The following KPNA4 variants were observed in gnomAD, a reference collection of about 807,000 sequenced individuals.
KPNA4 encodes importin subunit alpha-3.
Under a neutral mutation model 71.3 loss-of-function variants are expected in KPNA4, and 13 were observed. The ratio of observed to expected loss-of-function variants is 0.18; its 90% CI spans 0.12 to 0.29. The LOEUF is 0.29. Among genes scored for constraint, KPNA4 ranks in the 10% least tolerant of loss-of-function variants. KPNA4 has a pLI of 1.00. For synonymous variants in KPNA4, 189 were observed against 195.2 expected (o/e 0.97, Z 0.26); for missense variants, 334 against 603.2 (o/e 0.55, Z 4.67).
At chr3:160,554,382 C>T (rs1332581550) in intron 1 of KPNA4, among the ~76,000 whole-genome samples, 1 of 152,184 alleles carries the variant, frequency 6.6e-6, no homozygotes, top group Non-Finnish European at 1.5e-5. Flanking sequence ...TCCCTCTGTC[C>T]CAACCCCTGG....
At chr3:160,555,396 C>A (rs1010063351) in intron 1 of KPNA4, among the ~76,000 whole-genome samples, 9 of 152,142 alleles carry the variant, frequency 5.9e-5, no homozygotes, top group Admixed American at 5.2e-4. Context: ...ACAATAGTCA[C>A]CCCCTTATCT....
At chr3:160,513,180 T>C (rs1721134509) in intron 13 of KPNA4, among the ~76,000 whole-genome samples, 1 of 152,030 alleles carries the variant, frequency 6.6e-6, no homozygotes. Flanking sequence ...GAGAAACAGA[T>C]TTATCTTCTC....
rs192338754 is a variant in KPNA4, at chr3:160,548,906, A to G, written c.70-12066T>C. 3.1e-4 allele frequency among the ~76,000 whole-genome samples: 47 copies of G among 152,288 alleles called. 1 individual carries two copies. The highest frequency in any genetic ancestry group is 1.0e-3 in the African/African-American group (42 of 41,554). ...GCTTCACCATTTTACATTCTCACCA[A>G]TAATGCACAAGATTCTGAATTCTCC... On this transcript the variant is annotated intron_variant, in intron 1 of 16. Transcript: ENST00000334256.
At chr3:160,548,778 C>T (rs538031254) in intron 1 of KPNA4, among the ~76,000 whole-genome samples, 13 of 152,226 alleles carry the variant, frequency 8.5e-5, no homozygotes, top group Admixed American at 5.2e-4. Flanking sequence ...TCTTAGTTCC[C>T]GCTTTCAATT....
intron 8 of KPNA4, among the ~76,000 whole-genome samples, chr3:160,527,656 G>A (rs1166970649): frequency 6.6e-6 from 1 of 151,910 alleles, no homozygotes; most frequent in Non-Finnish European, 1.5e-5. Context: ...TGGGGGTTAG[G>A]GGAAGAAAAA....
At chr3:160,508,001 T>C (rs1207156753) in intron 15 of KPNA4, 106 bp downstream of exon 15, 2 of 852,178 alleles carry the variant, frequency 2.3e-6, no homozygotes, top group Non-Finnish European at 3.6e-6. Context: ...TTCTGTTACT[T>C]GAATATCTAA....
intron 11 of KPNA4, among the ~76,000 whole-genome samples, chr3:160,518,663 C>T (rs990971645): frequency 1.3e-5 from 2 of 151,536 alleles, no homozygotes; most frequent in African/African-American, 2.4e-5. Context: ...AGTTCGAGAC[C>T]AGCCTGGCCA....
intron 14 of KPNA4, 116 bp from the exon 15 acceptor site, chr3:160,508,385 C>G (rs985562100): frequency 4.6e-6 from 3 of 657,708 alleles, no homozygotes; most frequent in Admixed American, 7.2e-5. Context: ...GACCTCATCT[C>G]TCTCATGTTA....
intron 14 of KPNA4, 138 bp downstream of exon 14, chr3:160,509,662 C>T: frequency 1.5e-6 from 1 of 662,558 alleles, no homozygotes. Flanking sequence ...AAAACCCTGG[C>T]CTCGGGTGAT....
intron 13 of KPNA4, among the ~76,000 whole-genome samples, chr3:160,513,249 G>GTTTTTTTTT (rs946090860): frequency 8.7e-5 from 7 of 80,644 alleles, no homozygotes; most frequent in Admixed American, 1.7e-4. Context: ...CTACTTTGTG[G>GTTTTTTTTT]TTTTTTTTTT....
intron 3 of KPNA4, 34 bp downstream of exon 3, chr3:160,535,774 T>C: frequency 4.5e-6 from 7 of 1,560,762 alleles, no homozygotes; most frequent in Non-Finnish European, 6.0e-6. Context: ...ACTCGTACTT[T>C]TAAGTTACCA....
rs1458458482 is a variant in KPNA4, at chr3:160,501,285, AAAAG to A, written c.*815_*818del. 6.6e-6 allele frequency: 1 copy of A among 152,248 alleles called. No homozygotes were observed. The highest frequency in any genetic ancestry group is 2.4e-5 in the African/African-American group (1 of 41,296). The allele number at this position is 152,248 out of a possible 1,614,324, so 9.4% of individuals were successfully genotyped here. A position where few individuals can be genotyped will look rare whatever the true frequency, so the allele number is the denominator to read the frequency against. On this transcript the variant is annotated 3_prime_UTR_variant, in exon 17 of 17. Transcript: ENST00000334256. ...AGGTAAAGTAAATAAAAACTAAAAAAAAAGAAAAGAAAAGCAAAAAAGAAAAAAA... is the reference window on the plus strand; with the variant it reads ...AGGTAAAGTAAATAAAAACTAAAAAAAAAAGAAAAGCAAAAAAGAAAAAAA...
intron 10 of KPNA4, among the ~76,000 whole-genome samples, chr3:160,522,127 T>A (rs1721360538): frequency 6.6e-6 from 1 of 152,184 alleles, no homozygotes; most frequent in Non-Finnish European, 1.5e-5. Context: ...AGGATTCTGA[T>A]CCCAGATTAG....
chr3:160,552,049 G>T (rs1434989426), intron 1 of KPNA4, among the ~76,000 whole-genome samples: 1 of 151,406 alleles, frequency 6.6e-6, no homozygotes, highest in Admixed American at 6.6e-5. Flanking sequence ...AAATTATCTG[G>T]CCCAAAACGT....
intron 1 of KPNA4, among the ~76,000 whole-genome samples, chr3:160,537,386 T>C (rs930427991): frequency 2.6e-5 from 4 of 152,018 alleles, no homozygotes; most frequent in African/African-American, 9.7e-5. Flanking sequence ...AGATATTCCA[T>C]GGTGGTGTAT....
At chr3:160,548,726 G>A (rs895453648) in intron 1 of KPNA4, among the ~76,000 whole-genome samples, 1 of 151,870 alleles carries the variant, frequency 6.6e-6, no homozygotes, top group African/African-American at 2.4e-5. Flanking sequence ...TCCACTTTTG[G>A]ATACTGCAAA....
intron 1 of KPNA4, among the ~76,000 whole-genome samples, chr3:160,541,647 G>GCACACACACA (rs570443336): frequency 1.2e-4 from 13 of 111,400 alleles, no homozygotes; most frequent in African/African-American, 4.9e-4. Context: ...AGTTATATAC[G>GCACACACACA]CGCACACACA....
At chr3:160,551,120 C>CT (rs1349165431) in intron 1 of KPNA4, among the ~76,000 whole-genome samples, 1 of 152,130 alleles carries the variant, frequency 6.6e-6, no homozygotes, top group East Asian at 1.9e-4. Context: ...TGATCCTGGG[C>CT]TTTTCTTTGT....
In KPNA4 at chr3:160,509,810, C is replaced by T. The variant is rs756714453; in HGVS notation, c.1199G>A (p.Arg400Lys). 2.9e-5 allele frequency: 46 copies of T among 1,603,820 alleles called. 2 individuals are homozygous for T. The South Asian group carries it at 5.1e-4, about 18-fold the overall frequency. ...WAISNLTISG[R>K]KDQVAYLIQQ... is the part of the protein sequence containing the mutation. Reference sequence around the variant, plus strand: ...AAAAGCTCAACTTACTTGATCTTTCCTTCCACTAATTGTTAAGTTACTTAT... The same window carrying T: ...AAAAGCTCAACTTACTTGATCTTTCTTTCCACTAATTGTTAAGTTACTTAT... The change falls in exon 14 of 17, where the codon AGG becomes AAG. Residue 400 changes from arginine (R) to lysine (K), a missense_variant. Physicochemically the swap from Arg to Lys is conservative, Grantham distance 26. Transcript: ENST00000334256.
Sources: allele counts gnomAD v4.1 joint callset (sites outside exome capture counted in the v4.1 genomes callset), GRCh38; gene constraint gnomAD v4.1.1; transcripts MANE v1.5; gene names NCBI Gene and HGNC (gene_info 2026-07-23, HGNC 2026-07-21).